KDM4B: variants seen among roughly 807,000 people sequenced by gnomAD.
The protein encoded by KDM4B is lysine demethylase 4B.
Under a neutral mutation model 125.2 loss-of-function variants are expected in KDM4B, and 32 were observed. The ratio of observed to expected loss-of-function variants is 0.26; its 90% CI spans 0.19 to 0.34. The LOEUF (loss-of-function observed/expected upper bound fraction) is 0.34. KDM4B is among the 10% of genes least tolerant of loss of function. The pLI, the probability that KDM4B is intolerant of heterozygous loss-of-function variation, is 1.00. For missense variants in KDM4B, 1,190 were observed against 1,577.7 expected, an observed-to-expected ratio of 0.75 and a Z score of 4.16; for synonymous variants, 721 against 677.9, an observed-to-expected ratio of 1.06 and a Z score of -0.99.
chr19:5,085,902 G>A (rs957910486), intron 9 of KDM4B, among the ~76,000 whole-genome samples: 6 of 152,212 alleles, frequency 3.9e-5, no homozygotes, highest in African/African-American at 1.4e-4. Context: ...TCGCCGCACA[G>A]ATGACAGAGG....
At position 5,151,496 on chromosome 19, in the gene KDM4B, C is replaced by G; in HGVS notation, c.3276C>G (p.Pro1092=). Residue 1092 remains proline (P), a synonymous_variant, in exon 23 of 23, where the codon CCC becomes CCG. Transcript: ENST00000159111. ...VESLLQVQGR[P]GAPF Reference sequence around the variant, plus strand: ...GCCTCCTGCAGGTGCAGGGCCGGCCCGGAGCCCCCTTCTAGGACAGCTGGC... The same window carrying G: ...GCCTCCTGCAGGTGCAGGGCCGGCCGGGAGCCCCCTTCTAGGACAGCTGGC... 1.4e-6 allele frequency: 2 copies of G among 1,443,474 alleles called. No individual in the cohort carries two copies. The highest frequency in any genetic ancestry group is 1.8e-6 in the Non-Finnish European group (2 of 1,094,870). 89.4% of individuals were successfully genotyped at this position (1,443,474 alleles called of 1,614,324 possible).
In KDM4B at chr19:5,115,584, G is replaced by A. The variant is rs1053319648; in HGVS notation, c.1116-4069G>A. On this transcript the variant is annotated intron_variant, in intron 10 of 22. Coordinates refer to ENST00000159111, the MANE Select transcript of KDM4B (RefSeq NM_015015.3). The surrounding 1 kb of genome is among the most constrained non-coding windows in gnomAD (Gnocchi z 4.2). ...TGGCACCGTGCACAGAGGGATCAAC[G>A]GCCAGGGGACCCGACACATTGGAGG... Among the ~76,000 whole-genome samples, 5 of 152,212 alleles carry A rather than the reference G, an allele frequency of 3.3e-5. No homozygotes were observed. Among genetic ancestry groups the A allele is most frequent in the African/African-American group, 4.8e-5 (2 of 41,464 alleles).
At chr19:5,094,987 G>A (rs568748502) in intron 9 of KDM4B, among the ~76,000 whole-genome samples, 6 of 151,970 alleles carry the variant, frequency 3.9e-5, no homozygotes, top group Non-Finnish European at 8.8e-5. Flanking sequence ...CGGGGGCGGC[G>A]CCGGGGGCGG....
At chr19:5,000,918 A>G (rs1379576694) in intron 1 of KDM4B, among the ~76,000 whole-genome samples, 2 of 151,798 alleles carry the variant, frequency 1.3e-5, no homozygotes, top group African/African-American at 2.4e-5. Flanking sequence ...AGTGTCATCA[A>G]CCCCCTTTCT....
At chr19:4,992,290 G>T (rs1309937378) in intron 1 of KDM4B, among the ~76,000 whole-genome samples, 1 of 152,066 alleles carries the variant, frequency 6.6e-6, no homozygotes, top group African/African-American at 2.4e-5. Context: ...CGTTATCTTT[G>T]TTACGTACTG....
intron 9 of KDM4B, among the ~76,000 whole-genome samples, chr19:5,094,987 G>T (rs568748502): frequency 1.3e-4 from 20 of 152,088 alleles, no homozygotes; most frequent in African/African-American, 3.6e-4. Context: ...CGGGGGCGGC[G>T]CCGGGGGCGG....
At chr19:5,053,295 G>A (rs1599511828) in intron 6 of KDM4B, among the ~76,000 whole-genome samples, 1 of 152,246 alleles carries the variant, frequency 6.6e-6, no homozygotes, top group African/African-American at 2.4e-5. Flanking sequence ...GTCAGACTGA[G>A]AAGACCCACC....
chr19:5,020,793 T>G (rs886409862), intron 2 of KDM4B, among the ~76,000 whole-genome samples: 1 of 152,206 alleles, frequency 6.6e-6, no homozygotes, highest in East Asian at 1.9e-4. Flanking sequence ...AAAGCACACC[T>G]TGAACACTTC....
chr19:5,105,446 CT>C (rs1327104718), intron 9 of KDM4B, among the ~76,000 whole-genome samples: 1 of 152,184 alleles, frequency 6.6e-6, no homozygotes, highest in Non-Finnish European at 1.5e-5. Context: ...CAAGCTTTTT[CT>C]TTTGAGACAG....
intron 1 of KDM4B, among the ~76,000 whole-genome samples, chr19:4,983,037 A>G (rs536893113): frequency 6.6e-6 from 1 of 151,990 alleles, no homozygotes; most frequent in African/African-American, 2.4e-5. Flanking sequence ...ATTACAGTGT[A>G]TTGTATTGAA....
chr19:5,064,951 T>C (rs1418329705), intron 6 of KDM4B, among the ~76,000 whole-genome samples: 1 of 152,208 alleles, frequency 6.6e-6, no homozygotes, highest in African/African-American at 2.4e-5. Context: ...TGCCTGCCCA[T>C]GGCTGGCAAA....
intron 11 of KDM4B, among the ~76,000 whole-genome samples, chr19:5,126,527 A>T (rs2146039355): frequency 6.6e-6 from 1 of 152,304 alleles, no homozygotes; most frequent in African/African-American, 2.4e-5. Context: ...AGAGGGTGGA[A>T]AGGCTGCGGT....
intron 7 of KDM4B, among the ~76,000 whole-genome samples, chr19:5,073,450 G>A (rs1263159173): frequency 2.0e-5 from 3 of 152,258 alleles, no homozygotes; most frequent in Admixed American, 6.5e-5. Context: ...CCCTCCTGGT[G>A]CTCTCTGGTG....
chr19:5,020,394 C>T (rs1251199718), intron 2 of KDM4B, among the ~76,000 whole-genome samples: 4 of 151,958 alleles, frequency 2.6e-5, no homozygotes, highest in South Asian at 2.1e-4. Context: ...TCCCTTGGGC[C>T]GACACATGGG....
Position 4,969,214 on chromosome 19 carries a change from C to G in KDM4B, c.-125C>G, listed in dbSNP as rs900562018. 1.3e-5 allele frequency: 2 copies of G among 148,922 alleles called. No individual in the cohort carries two copies. Among genetic ancestry groups the G allele is most frequent in the Non-Finnish European group, 3.0e-5 (2 of 66,926 alleles). 9.2% of individuals were successfully genotyped at this position (148,922 alleles called of 1,614,324 possible). A position where few individuals can be genotyped will look rare whatever the true frequency, so the allele number is the denominator to read the frequency against. On this transcript the variant is annotated 5_prime_UTR_variant, in exon 1 of 23. Transcript: ENST00000159111. The stretch of plus-strand genomic sequence containing the variant: ...GCGCGCCGCTGCTCCCGGACCGGGC[C>G]GCGCACGCCGCCTCAGGTGAGCCCA...
intron 10 of KDM4B, among the ~76,000 whole-genome samples, chr19:5,111,173 C>T (rs1384855037): frequency 6.6e-6 from 1 of 152,254 alleles, no homozygotes; most frequent in Non-Finnish European, 1.5e-5. Flanking sequence ...GCAGAGCCAC[C>T]AGCCACATGG....
At chr19:4,978,809 C>T (rs2034543229) in intron 1 of KDM4B, among the ~76,000 whole-genome samples, 3 of 152,184 alleles carry the variant, frequency 2.0e-5, no homozygotes, top group African/African-American at 4.8e-5. Context: ...ACTGGGAGCT[C>T]GGGCAGCATG....
intron 19 of KDM4B, 44 bp downstream of exon 19, chr19:5,144,196 C>A (rs920992658): frequency 1.9e-6 from 3 of 1,584,812 alleles, no homozygotes; most frequent in Non-Finnish European, 2.6e-6. Flanking sequence ...CTGGCTCCCG[C>A]CCCCACCGAC....
intron 9 of KDM4B, among the ~76,000 whole-genome samples, chr19:5,103,982 G>A (rs925200428): frequency 6.6e-6 from 1 of 152,216 alleles, no homozygotes; most frequent in Non-Finnish European, 1.5e-5. Context: ...TTGGCCACCC[G>A]CACATCATGG....
Sources: gnomAD v4.1 joint callset for allele counts (sites outside exome capture counted in the v4.1 genomes callset) on GRCh38, gnomAD v4.1.1 for gene constraint, Gnocchi (gnomAD v3.1) non-coding constraint, MANE v1.5 for transcripts, NCBI Gene and HGNC (gene_info 2026-07-23, HGNC 2026-07-21) for gene names.